ARRDC5: variants seen among roughly 807,000 people sequenced by gnomAD.
ARRDC5 encodes arrestin domain-containing protein 5.
Under a neutral mutation model 13.3 loss-of-function variants are expected in ARRDC5, and 12 were observed. The ratio of observed to expected loss-of-function variants is 0.90; its 90% CI spans 0.58 to 1.46. The LOEUF (loss-of-function observed/expected upper bound fraction) is 1.46. ARRDC5 is among the 40% of genes most tolerant of loss of function. ARRDC5 has a pLI of 0.00. For synonymous variants in ARRDC5, 181 were observed against 173.4 expected (o/e 1.04, Z -0.34); for missense variants, 406 against 418.7 (o/e 0.97, Z 0.26).
upstream of ARRDC5, among the ~76,000 whole-genome samples, chr19:4,904,120 G>A (rs1263363334): frequency 6.6e-6 from 1 of 151,948 alleles, no homozygotes; most frequent in Non-Finnish European, 1.5e-5. Context: ...GGGATTACGG[G>A]CATGGGGGTT....
chr19:4,908,793 T>G, the ARRDC5 span, among the ~76,000 whole-genome samples: 1 of 152,198 alleles, frequency 6.6e-6, no homozygotes, highest in Non-Finnish European at 1.5e-5. Context: ...GACCACCAAC[T>G]GGGTCTGCCA....
the ARRDC5 span, among the ~76,000 whole-genome samples, chr19:4,914,569 C>T: frequency 2.4e-3 from 368 of 151,858 alleles, 1 homozygote; most frequent in Non-Finnish European, 4.1e-3. Flanking sequence ...TGGGCGGGAA[C>T]GCAGGGAGCT....
At chr19:4,908,714 T>C in the ARRDC5 span, among the ~76,000 whole-genome samples, 1 of 152,198 alleles carries the variant, frequency 6.6e-6, no homozygotes, top group African/African-American at 2.4e-5. Context: ...TAAGGAATCA[T>C]CTGAAATTAT....
intron 1 of ARRDC5, among the ~76,000 whole-genome samples, chr19:4,898,282 C>T (rs2031799801): frequency 6.6e-6 from 1 of 152,082 alleles, no homozygotes; most frequent in Non-Finnish European, 1.5e-5. Context: ...CCTTCTTGCA[C>T]TTCTCGAAAA....
At chr19:4,907,131 A>T (rs879806231), upstream of ARRDC5, among the ~76,000 whole-genome samples, 8 of 152,232 alleles carry the variant, frequency 5.3e-5, no homozygotes, top group Admixed American at 3.9e-4. Flanking sequence ...TTATTTGTTG[A>T]TAGAGCCTTG....
intron 2 of ARRDC5, among the ~76,000 whole-genome samples, chr19:4,895,067 A>G (rs1205696901): frequency 6.6e-6 from 1 of 152,140 alleles, no homozygotes; most frequent in Non-Finnish European, 1.5e-5. Context: ...AGGAGGTATC[A>G]GGAGGTGCCA....
At chr19:4,913,960 C>T in the ARRDC5 span, among the ~76,000 whole-genome samples, 106 of 151,970 alleles carry the variant, frequency 7.0e-4, no homozygotes, top group Non-Finnish European at 1.4e-3. Flanking sequence ...TACAGGTGTG[C>T]GCCACCATGC....
the ARRDC5 span, chr19:4,911,188 AC>A: frequency 6.9e-6 from 5 of 721,558 alleles, no homozygotes; most frequent in Non-Finnish European, 1.1e-5. Context: ...GTCCACAGAA[AC>A]CTCAAATGCC....
At chr19:4,911,873 G>A in the ARRDC5 span, among the ~76,000 whole-genome samples, 12 of 152,130 alleles carry the variant, frequency 7.9e-5, no homozygotes, top group Non-Finnish European at 1.5e-4. Context: ...GGGGACGGGC[G>A]TAGACTACTG....
At chr19:4,902,392 T>G (rs8107490) in intron 1 of ARRDC5, among the ~76,000 whole-genome samples, 181 bp downstream of exon 1, 1 of 152,216 alleles carries the variant, frequency 6.6e-6, no homozygotes. Flanking sequence ...TTATGTCTTG[T>G]TATTTTTGCG....
rs2031747426 is a variant in ARRDC5 at position 4,896,708 on chromosome 19, T to C, written c.422A>G (p.Gln141Arg). The C allele has an allele frequency of 6.2e-7, 1 of 1,613,710 alleles. No homozygotes were observed. Among genetic ancestry groups the C allele is most frequent in the Non-Finnish European group, 8.5e-7 (1 of 1,179,724 alleles). Residue 141 changes from glutamine to arginine, a missense_variant, in exon 2 of 3, where the codon CAA becomes CGA. Physicochemically the swap from Gln to Arg is conservative, Grantham distance 43 (BLOSUM62 1). Transcript: ENST00000650722. ...TTCTTTGTGGAAGGTGGAAGTTCCT[T>C]GAACCAATAAGTACATCCTCTTCTT... ...LAKKRMYLLV[Q>R]GTSTFHKETP...
chr19:4,901,987 A>G (rs578066186), intron 1 of ARRDC5, among the ~76,000 whole-genome samples: 1 of 152,236 alleles, frequency 6.6e-6, no homozygotes, highest in East Asian at 1.9e-4. Flanking sequence ...CACGAGTTCA[A>G]GTGATTCTCT....
At chr19:4,895,258 C>A (rs528123064) in intron 2 of ARRDC5, among the ~76,000 whole-genome samples, 9 of 151,522 alleles carry the variant, frequency 5.9e-5, no homozygotes, top group Middle Eastern at 3.4e-3. Context: ...TCCGTCTTTA[C>A]TAAAAAATAC....
upstream of ARRDC5, among the ~76,000 whole-genome samples, chr19:4,904,123 T>C (rs1186105171): frequency 1.3e-5 from 2 of 151,938 alleles, no homozygotes; most frequent in African/African-American, 2.4e-5. Context: ...ATTACGGGCA[T>C]GGGGGTTACA....
In ARRDC5 at chr19:4,891,571, G is replaced by T. The variant is rs1169476888; in HGVS notation, c.462C>A (p.Asn154Lys). 1.2e-6 allele frequency: 2 copies of T among 1,608,476 alleles called. No homozygotes were observed. The highest frequency in any genetic ancestry group is 2.2e-5 in the South Asian group (2 of 90,274). The stretch of plus-strand genomic sequence containing the variant: ...TCTCCTCAGCCTCCACGAACAAGGG[G>T]TTCTAGGAGGATGTGGGGGAACAGA... ...STFHKETPFQNPLFVEAEEKV... is the reference protein window; with the variant it reads ...STFHKETPFQKPLFVEAEEKV... Residue 154 changes from asparagine to lysine, a missense_variant and splice_region_variant, in exon 3 of 3, where the codon AAC becomes AAA. By Grantham distance (94) the Asn-to-Lys change is moderately conservative (BLOSUM62 0). Transcript: ENST00000650722.
chr19:4,897,174 C>G (rs748549268), intron 1 of ARRDC5, among the ~76,000 whole-genome samples: 3 of 152,164 alleles, frequency 2.0e-5, no homozygotes, highest in Admixed American at 6.6e-5. Context: ...CCATCCTGGT[C>G]TTGAACTCCT....
At chr19:4,911,062 G>A in the ARRDC5 span, 1 of 1,535,666 alleles carries the variant, frequency 6.5e-7, no homozygotes, top group Non-Finnish European at 8.8e-7. Context: ...CAGCACCTTT[G>A]TTCTATGCCT....
At chr19:4,893,756 A>AGGAAGGT (rs2031597971) in intron 2 of ARRDC5, among the ~76,000 whole-genome samples, 1 of 125,400 alleles carries the variant, frequency 8.0e-6, no homozygotes, top group South Asian at 2.4e-4. Flanking sequence ...AAAACCAAAA[A>AGGAAGGT]GGAAGGCCGG....
chr19:4,906,804 C>T (rs924638575), upstream of ARRDC5, among the ~76,000 whole-genome samples: 7 of 152,104 alleles, frequency 4.6e-5, no homozygotes, highest in Non-Finnish European at 7.3e-5. Context: ...CTTTCAGCCA[C>T]GTTGAGTTTT....
Sources: allele counts gnomAD v4.1 joint callset (sites outside exome capture counted in the v4.1 genomes callset), GRCh38; gene constraint gnomAD v4.1.1; transcripts MANE v1.5; gene names NCBI Gene and HGNC (gene_info 2026-07-23, HGNC 2026-07-21).